Variants in MSH4 observed in about 807,000 individuals in gnomAD.
MSH4 encodes the protein mutS homolog 4, also known as mutS protein homolog 4.
MSH4 carries 106 observed loss-of-function variants against 113.7 expected under a neutral mutation model. The ratio of observed to expected loss-of-function variants is 0.93; its 90% confidence interval spans 0.80 to 1.10. The LOEUF is 1.10. Ranked by LOEUF, MSH4 falls within the 50% of genes least tolerant of loss-of-function variation. MSH4 has a pLI of 0.00. For synonymous variants in MSH4, 368 were observed against 380.2 expected, an observed-to-expected ratio of 0.97 and a Z score of 0.37; for missense variants, 1,061 against 1,093.7, an observed-to-expected ratio of 0.97 and a Z score of 0.42.
chr1:75,885,059 G>GTGTGTGTATATA (rs1300289205), intron 15 of MSH4, among the ~76,000 whole-genome samples: 2 of 112,560 alleles, frequency 1.8e-5, no homozygotes, highest in Admixed American at 9.8e-5. Flanking sequence ...GTGTGTGTGT[G>GTGTGTGTATATA]TATATATATA....
At chr1:75,810,271 C>A (rs1342619630) in intron 3 of MSH4, among the ~76,000 whole-genome samples, 1 of 151,748 alleles carries the variant, frequency 6.6e-6, no homozygotes, top group Non-Finnish European at 1.5e-5. Context: ...CCCTCTGCCA[C>A]CTAGACTGGC....
intron 12 of MSH4, 150 bp downstream of exon 12, chr1:75,879,278 A>G: frequency 3.0e-6 from 2 of 665,814 alleles, no homozygotes; most frequent in East Asian, 5.6e-5. Flanking sequence ...TAATGTACTA[A>G]TCTAAGAGTG....
intron 9 of MSH4, among the ~76,000 whole-genome samples, chr1:75,871,492 C>A (rs1651711929): frequency 6.6e-6 from 1 of 151,998 alleles, no homozygotes; most frequent in Non-Finnish European, 1.5e-5. Flanking sequence ...ATAAATGGTA[C>A]CAAAAATGTT....
intron 17 of MSH4, among the ~76,000 whole-genome samples, chr1:75,897,500 A>G (rs1652410910): frequency 6.6e-6 from 1 of 152,124 alleles, no homozygotes; most frequent in Non-Finnish European, 1.5e-5. Context: ...CTACTTTTAT[A>G]GTTAAGTTTT....
chr1:75,825,224 G>C (rs183769134), intron 7 of MSH4, among the ~76,000 whole-genome samples: 3 of 151,740 alleles, frequency 2.0e-5, no homozygotes, highest in East Asian at 1.9e-4. Context: ...TCTTCGTAGC[G>C]GTTGTGAATG....
chr1:75,823,558 A>G (rs918137106), intron 7 of MSH4, among the ~76,000 whole-genome samples: 5 of 152,098 alleles, frequency 3.3e-5, no homozygotes, highest in African/African-American at 4.8e-5. Flanking sequence ...TGCTGCACCT[A>G]TCAACCCATC....
Position 75,880,085 on chromosome 1 carries a change from A to G in MSH4, c.1713A>G (p.Ser571=). 16 of 1,598,576 alleles carry G rather than the reference A, an allele frequency of 1.0e-5. No homozygotes were observed. Among genetic ancestry groups the G allele is most frequent in the Non-Finnish European group, 1.4e-5 (16 of 1,171,042 alleles). The change falls in exon 13 of 20, where the codon TCA becomes TCG. Residue 571 remains serine (S), a synonymous_variant. Coordinates refer to ENST00000263187, the MANE Select transcript of MSH4 (RefSeq NM_002440.4). ...TGAAAAATTCTTACAGCTTTACATC[A>G]GCAGATTTAATTAAAATGAATGAAA... is the stretch of plus-strand genomic sequence containing the variant. ...SKVKNSYSFT[S]ADLIKMNERC... is the part of the protein sequence containing the mutation.
chr1:75,798,350 GAGAATTGCTGTGCCCAC>G (rs1265269932), intron 1 of MSH4, among the ~76,000 whole-genome samples: 1 of 152,076 alleles, frequency 6.6e-6, no homozygotes, highest in Non-Finnish European at 1.5e-5. Context: ...CTACCTCCCA[GAGAATTGCTGTGCCCAC>G]CTTTGTTCCC....
chr1:75,818,987 C>T (rs1650349325), intron 6 of MSH4, among the ~76,000 whole-genome samples: 1 of 151,952 alleles, frequency 6.6e-6, no homozygotes, highest in Non-Finnish European at 1.5e-5. Context: ...AGGACGGTCT[C>T]GATCTCCTGA....
intron 9 of MSH4, among the ~76,000 whole-genome samples, chr1:75,870,581 C>G (rs36054685): frequency 0.21 from 32,545 of 151,926 alleles, 4,153 homozygotes; most frequent in African/African-American, 0.33. Flanking sequence ...ATAAGTCTCA[C>G]GAGATCTGAT....
intron 6 of MSH4, among the ~76,000 whole-genome samples, chr1:75,820,880 T>A (rs1166104712): frequency 6.6e-6 from 1 of 151,220 alleles, no homozygotes; most frequent in Non-Finnish European, 1.5e-5. Context: ...ATGCACCCAA[T>A]ACAGGAGCAC....
At position 75,877,016 on chromosome 1, in the gene MSH4, C is replaced by A. The variant is rs1444645504; in HGVS notation, c.1370+16C>A. The A allele has an allele frequency of 6.8e-7, 1 of 1,480,794 alleles. No homozygotes were observed. Among genetic ancestry groups the A allele is most frequent in the South Asian group, 1.4e-5 (1 of 74,006 alleles). The allele number at this position is 1,480,794 out of a possible 1,614,324, so 91.7% of individuals were successfully genotyped here. A position where few individuals can be genotyped will look rare whatever the true frequency, so the allele number is the denominator to read the frequency against. On this transcript the variant is annotated intron_variant, in intron 10 of 19. Transcript: ENST00000263187. Reference sequence around the variant, plus strand: ...AAGACAAGAGGTCTTTGTCACTCAACCGTTAATAAAAAATAAGATTATTCT... The same window carrying A: ...AAGACAAGAGGTCTTTGTCACTCAAACGTTAATAAAAAATAAGATTATTCT...
chr1:75,824,323 G>A (rs1179691564), intron 7 of MSH4, among the ~76,000 whole-genome samples: 1 of 152,024 alleles, frequency 6.6e-6, no homozygotes, highest in Non-Finnish European at 1.5e-5. Context: ...TGATGGGGTT[G>A]TTTTTTTCTT....
intron 8 of MSH4, among the ~76,000 whole-genome samples, chr1:75,855,620 G>A (rs1312381781): frequency 1.3e-5 from 2 of 152,082 alleles, no homozygotes; most frequent in East Asian, 1.9e-4. Flanking sequence ...TGTTCACAAC[G>A]CCAATCTGTG....
chr1:75,897,024 T>C (rs1652400726), intron 17 of MSH4, among the ~76,000 whole-genome samples: 1 of 152,192 alleles, frequency 6.6e-6, no homozygotes, highest in Admixed American at 6.5e-5. Context: ...ATAGCCATTT[T>C]GCCAATCAAT....
chr1:75,904,360 G>C (rs918131789), intron 19 of MSH4, among the ~76,000 whole-genome samples: 3 of 151,974 alleles, frequency 2.0e-5, no homozygotes, highest in Non-Finnish European at 2.9e-5. Context: ...TTGATATCAG[G>C]GTAATACTAG....
At chr1:75,836,650 G>A (rs138856458) in intron 7 of MSH4, among the ~76,000 whole-genome samples, 1 of 152,138 alleles carries the variant, frequency 6.6e-6, no homozygotes, top group African/African-American at 2.4e-5. Flanking sequence ...ATTTGAATAA[G>A]AGAAATGTCC....
At chr1:75,885,724 TTATATAGTA>T (rs1361439173) in intron 15 of MSH4, among the ~76,000 whole-genome samples, 4 of 100,356 alleles carry the variant, frequency 4.0e-5, no homozygotes, top group Non-Finnish European at 7.3e-5. Context: ...GTATTATATA[TTATATAGTA>T]TATATAGTAT....
At chr1:75,799,310 C>A (rs1649886091) in intron 1 of MSH4, among the ~76,000 whole-genome samples, 5 of 151,886 alleles carry the variant, frequency 3.3e-5, no homozygotes, top group Admixed American at 3.3e-4. Context: ...ACAGATAGAA[C>A]CAAGGCCCAA....
Sources: gnomAD v4.1 joint callset for allele counts (sites outside exome capture counted in the v4.1 genomes callset) on GRCh38, gnomAD v4.1.1 for gene constraint, MANE v1.5 for transcripts, NCBI Gene and HGNC (gene_info 2026-07-23, HGNC 2026-07-21) for gene names.